NYAP2: variants seen among roughly 807,000 people sequenced by gnomAD.
The protein encoded by NYAP2 is neuronal tyrosine-phosphorylated phosphoinositide-3-kinase adapter 2.
NYAP2 carries 23 observed loss-of-function variants against 50.4 expected under a neutral mutation model. The ratio of observed to expected loss-of-function variants is 0.46; its 90% CI spans 0.33 to 0.65. NYAP2 has a LOEUF of 0.65. Among genes scored for constraint, NYAP2 ranks in the 30% least tolerant of loss-of-function variants. NYAP2 has a pLI of 0.02. For synonymous variants in NYAP2, 394 were observed against 365.2 expected (o/e 1.08, Z -0.90); for missense variants, 885 against 861.0 (o/e 1.03, Z -0.35).
intron 3 of NYAP2, among the ~76,000 whole-genome samples, chr2:225,452,772 C>T (rs935452462): frequency 2.8e-4 from 43 of 152,224 alleles, no homozygotes; most frequent in East Asian, 1.9e-4. Flanking sequence ...CAGTCATGCA[C>T]GCGTACACCC....
At chr2:225,661,579 T>C in the NYAP2 span, among the ~76,000 whole-genome samples, 1 of 152,222 alleles carries the variant, frequency 6.6e-6, no homozygotes, top group Non-Finnish European at 1.5e-5. Flanking sequence ...AATTTTTGGC[T>C]AAACAGTTTC....
intron 5 of NYAP2, among the ~76,000 whole-genome samples, chr2:225,599,622 T>C (rs1692663000): frequency 6.6e-6 from 1 of 152,210 alleles, no homozygotes; most frequent in Admixed American, 6.5e-5. Context: ...TTGGAGACTT[T>C]TTCCCTGTCA....
At chr2:225,510,860 G>A (rs1348225378) in intron 3 of NYAP2, among the ~76,000 whole-genome samples, 1 of 151,990 alleles carries the variant, frequency 6.6e-6, no homozygotes, top group East Asian at 1.9e-4. Flanking sequence ...GTTGTATGCT[G>A]TTAAAAAAGA....
intron 3 of NYAP2, among the ~76,000 whole-genome samples, chr2:225,463,837 C>A (rs1048702201): frequency 6.6e-6 from 1 of 152,130 alleles, no homozygotes; most frequent in Admixed American, 6.5e-5. Flanking sequence ...GAGCAGCATG[C>A]ACTTTGGGAA....
intron 6 of NYAP2, among the ~76,000 whole-genome samples, chr2:225,645,853 T>G (rs961083738): frequency 6.6e-6 from 1 of 152,192 alleles, no homozygotes; most frequent in Non-Finnish European, 1.5e-5. Flanking sequence ...CAAAGAGCAT[T>G]GCATTTCCAA....
the NYAP2 span, among the ~76,000 whole-genome samples, chr2:225,666,154 C>T: frequency 3.3e-5 from 5 of 152,098 alleles, no homozygotes; most frequent in African/African-American, 4.8e-5. Context: ...AGTCTCCATG[C>T]GCTAAAGTCA....
At chr2:225,401,404 A>G (rs1037879081) in intron 2 of NYAP2, among the ~76,000 whole-genome samples, 2 of 152,094 alleles carry the variant, frequency 1.3e-5, no homozygotes, top group Non-Finnish European at 2.9e-5. Flanking sequence ...TCCATACCAT[A>G]AATATTTTAC....
At chr2:225,432,341 G>T (rs1689280758) in intron 3 of NYAP2, among the ~76,000 whole-genome samples, 1 of 150,692 alleles carries the variant, frequency 6.6e-6, no homozygotes, top group Non-Finnish European at 1.5e-5. Flanking sequence ...ACTGATCAGG[G>T]ATATTATATG....
intron 3 of NYAP2, among the ~76,000 whole-genome samples, chr2:225,442,693 A>T (rs1471563106): frequency 6.6e-6 from 1 of 152,014 alleles, no homozygotes; most frequent in Non-Finnish European, 1.5e-5. Context: ...CTCCTGTGTC[A>T]GGCTCCCGAG....
At chr2:225,632,402 C>G (rs890194051) in intron 6 of NYAP2, among the ~76,000 whole-genome samples, 2 of 152,110 alleles carry the variant, frequency 1.3e-5, no homozygotes, top group African/African-American at 4.8e-5. Context: ...TCTCTCTGTC[C>G]CCCCTCCACA....
intron 3 of NYAP2, among the ~76,000 whole-genome samples, chr2:225,465,718 AAAAC>A (rs374767573): frequency 2.6e-5 from 4 of 152,112 alleles, no homozygotes; most frequent in African/African-American, 7.2e-5. Flanking sequence ...TCTGTCTCAA[AAAAC>A]AAACAAACAA....
intron 5 of NYAP2, 33 bp downstream of exon 5, chr2:225,583,068 C>A (rs775504131): frequency 1.3e-6 from 2 of 1,590,654 alleles, no homozygotes; most frequent in Middle Eastern, 1.8e-4. Context: ...AGCCCCAGAG[C>A]CCAGTGCCAG....
At chr2:225,617,253 C>T (rs1693005034) in intron 5 of NYAP2, among the ~76,000 whole-genome samples, 1 of 151,852 alleles carries the variant, frequency 6.6e-6, no homozygotes, top group Non-Finnish European at 1.5e-5. Flanking sequence ...ATGGTGAAAC[C>T]CCATCTCTAC....
intron 5 of NYAP2, among the ~76,000 whole-genome samples, chr2:225,607,701 A>G (rs199996853): frequency 9.9e-6 from 1 of 101,434 alleles, no homozygotes; most frequent in African/African-American, 3.8e-5. Context: ...TCAGTTGTTT[A>G]TCAAAAGAAC....
intron 4 of NYAP2, among the ~76,000 whole-genome samples, chr2:225,525,165 T>G (rs770370201): frequency 6.6e-6 from 1 of 152,110 alleles, no homozygotes; most frequent in Non-Finnish European, 1.5e-5. Context: ...TTATGGAAAA[T>G]TGTATGGGCA....
chr2:225,543,571 C>T (rs1691514550), intron 4 of NYAP2, among the ~76,000 whole-genome samples: 1 of 151,794 alleles, frequency 6.6e-6, no homozygotes, highest in African/African-American at 2.4e-5. Context: ...TCCAAAGTTC[C>T]TCTTTTTATT....
chr2:225,611,518 C>T (rs944423110), intron 5 of NYAP2, among the ~76,000 whole-genome samples: 22 of 151,962 alleles, frequency 1.4e-4, no homozygotes, highest in African/African-American at 5.1e-4. Context: ...TTCCCTCTGC[C>T]CGCAAAACTA....
intron 4 of NYAP2, among the ~76,000 whole-genome samples, chr2:225,528,979 C>T (rs1313779659): frequency 6.6e-6 from 1 of 152,176 alleles, no homozygotes; most frequent in Non-Finnish European, 1.5e-5. Flanking sequence ...AAATGTAACC[C>T]TCATTGCAAC....
At chr2:225,408,264 A>C (rs956046487) in intron 2 of NYAP2, among the ~76,000 whole-genome samples, 15 of 152,150 alleles carry the variant, frequency 9.9e-5, no homozygotes, top group African/African-American at 3.6e-4. Context: ...TGAAGGCATT[A>C]TGGAGGAACA....
Sources: gnomAD v4.1 joint callset for allele counts (sites outside exome capture counted in the v4.1 genomes callset) on GRCh38, gnomAD v4.1.1 for gene constraint, MANE v1.5 for transcripts, NCBI Gene and HGNC (gene_info 2026-07-23, HGNC 2026-07-21) for gene names.